The following MAP6 variants were observed in gnomAD, a reference collection of about 807,000 sequenced individuals.
MAP6 encodes microtubule-associated protein 6.
In MAP6, 26 loss-of-function variants were observed where a neutral mutation model predicts 42.4. That is an observed-to-expected ratio of 0.61 (90% CI 0.45 to 0.85). The LOEUF is 0.85. Ranked by LOEUF, MAP6 falls within the 40% of genes least tolerant of loss-of-function variation. The probability of loss-of-function intolerance (pLI) is 0.00; values close to 1 mark genes in which losing one functional copy is unlikely to be tolerated. For synonymous variants in MAP6, 418 were observed against 443.8 expected (o/e 0.94, Z 0.73); for missense variants, 966 against 1,099.0 (o/e 0.88, Z 1.71).
intron 1 of MAP6, among the ~76,000 whole-genome samples, chr11:75,665,329 G>A (rs769834517): frequency 6.6e-6 from 1 of 152,196 alleles, no homozygotes; most frequent in East Asian, 1.9e-4. Flanking sequence ...TATATTCAAA[G>A]GATGTGGTCA....
intron 1 of MAP6, among the ~76,000 whole-genome samples, chr11:75,616,585 G>A (rs746914799): frequency 6.6e-6 from 1 of 152,206 alleles, no homozygotes; most frequent in Non-Finnish European, 1.5e-5. Context: ...AATGGAAGTA[G>A]GATCTATAGA....
intron 1 of MAP6, among the ~76,000 whole-genome samples, chr11:75,609,499 G>A (rs1310927473): frequency 1.3e-5 from 2 of 152,252 alleles, no homozygotes; most frequent in Admixed American, 6.5e-5. Flanking sequence ...CTTGGACTGC[G>A]ACGGAGACAC....
chr11:75,605,280 G>A (rs1299068799), intron 3 of MAP6: 1 of 986,164 alleles, frequency 1.0e-6, no homozygotes, highest in Non-Finnish European at 1.2e-6. Flanking sequence ...TGACATTAAG[G>A]CCAAGGTTGT....
At chr11:75,605,134 T>C in intron 3 of MAP6, 1 of 985,420 alleles carries the variant, frequency 1.0e-6, no homozygotes, top group Non-Finnish European at 1.2e-6. Context: ...AGCCCTGATC[T>C]AGTTTTAGTT....
intron 1 of MAP6, among the ~76,000 whole-genome samples, chr11:75,665,414 C>T (rs1943930643): frequency 6.6e-6 from 1 of 152,220 alleles, no homozygotes; most frequent in South Asian, 2.1e-4. Flanking sequence ...TGAGTAGGAT[C>T]ACCCAAGGAG....
chr11:75,647,666 T>C (rs1943584971), intron 1 of MAP6, among the ~76,000 whole-genome samples: 4 of 152,032 alleles, frequency 2.6e-5, no homozygotes, highest in Admixed American at 2.0e-4. Flanking sequence ...AAAAGAAGAC[T>C]TGAGGAAAGG....
rs1590818412 is a variant in MAP6, at chr11:75,668,212, G to T, written c.158C>A (p.Ala53Glu). 2 of 1,320,840 alleles carry T rather than the reference G, an allele frequency of 1.5e-6. No homozygotes were observed. Among genetic ancestry groups the T allele is most frequent in the South Asian group, 4.8e-5 (2 of 41,560 alleles). The allele number at this position is 1,320,840 out of a possible 1,614,324, so 81.8% of individuals were successfully genotyped here. ...PPQPPPPQQQ[A>E]QPALAPPSAR... ...CGAGGGGGGCGCGAGCGCCGGCTGC[G>T]CCTGCTGCTGCGGCGGCGGTGGCTG... The change falls in exon 1 of 4, where the codon GCG (alanine) becomes GAG (glutamate). Residue 53 changes from alanine to glutamate, a missense_variant. Ala to Glu is a moderately radical substitution (Grantham distance 107, BLOSUM62 -1). This residue lies in a region of MAP6 where 943 missense variants were observed against 1,049.9 expected (regional missense o/e 0.90). Coordinates refer to ENST00000304771, the MANE Select transcript of MAP6 (RefSeq NM_033063.2).
In MAP6 at chr11:75,667,060, ATTC is replaced by A. The variant is rs556698686; in HGVS notation, c.905+402_905+404del. Among the ~76,000 whole-genome samples the A allele has an allele frequency of 7.6e-4, 115 of 152,294 alleles. 1 individual carries two copies. Among genetic ancestry groups the A allele is most frequent in the South Asian group, 1.7e-3 (8 of 4,826 alleles). On this transcript the variant is annotated intron_variant, in intron 1 of 3. Transcript: ENST00000304771. The surrounding 1 kb of genome is among the most constrained non-coding windows in gnomAD (Gnocchi z 5.6). ...GAGGGCGAGAGGCCACTTGGAAAGA[ATTC>A]TTCTTCTGGAAGAATGGGGACCCTG...
intron 1 of MAP6, among the ~76,000 whole-genome samples, chr11:75,651,327 T>G (rs1943642606): frequency 6.6e-6 from 1 of 152,178 alleles, no homozygotes. Flanking sequence ...TTATAGTAGA[T>G]TTTTAGAATC....
intron 2 of MAP6, among the ~76,000 whole-genome samples, chr11:75,606,652 T>C (rs1407984237): frequency 6.6e-6 from 1 of 152,236 alleles, no homozygotes; most frequent in African/African-American, 2.4e-5. Context: ...CTCACCCATA[T>C]GGAGAAGCAT....
chr11:75,651,514 T>C lies in MAP6; in HGVS notation c.905+15951A>G, dbSNP rs555752900. ...ACTGTATACCTTTTAATACCATTTA[T>C]CCCTCGTCCATTTTTTAAAAAATTC... On this transcript the variant is annotated intron_variant, in intron 1 of 3. Coordinates refer to ENST00000304771, the MANE Select transcript of MAP6 (RefSeq NM_033063.2). 4.3e-4 allele frequency among the ~76,000 whole-genome samples: 65 copies of C among 152,122 alleles called. 1 individual carries two copies. The highest frequency in any genetic ancestry group is 1.4e-3 in the African/African-American group (59 of 41,498).
chr11:75,606,037 C>A (rs1357675074), intron 2 of MAP6, 33 bp from the exon 3 acceptor site: 8 of 1,604,730 alleles, frequency 5.0e-6, no homozygotes, highest in African/African-American at 2.7e-5. Context: ...AATACAGAAA[C>A]ACAAAAAGGT....
chr11:75,613,787 C>T (rs951115305), intron 1 of MAP6, among the ~76,000 whole-genome samples: 11 of 152,202 alleles, frequency 7.2e-5, no homozygotes, highest in African/African-American at 2.4e-5. Flanking sequence ...TGATGGCTTA[C>T]TTGTGCTAGG....
rs535560524 is a variant in MAP6, at chr11:75,667,308, G to C, written c.905+157C>G. Among the ~76,000 whole-genome samples the C allele has an allele frequency of 3.2e-4, 48 of 152,300 alleles. No homozygotes were observed. Among genetic ancestry groups the C allele is most frequent in the African/African-American group, 1.0e-3 (43 of 41,566 alleles). On this transcript the variant is annotated intron_variant, in intron 1 of 3. Coordinates refer to ENST00000304771, the MANE Select transcript of MAP6 (RefSeq NM_033063.2). This position sits in a 1 kb window ranked among gnomAD's most constrained non-coding sequence, Gnocchi z 5.6. ...GGGACAGGGCAGAAGAGAAGGCTTC[G>C]ACAGGAGGTGGCCTGGGAGGCGGCT...
At chr11:75,617,059 A>G (rs191577376) in intron 1 of MAP6, among the ~76,000 whole-genome samples, 1 of 152,328 alleles carries the variant, frequency 6.6e-6, no homozygotes, top group Non-Finnish European at 1.5e-5. Context: ...GGGCCCCTGT[A>G]CTAGGTAAAT....
At position 75,667,462 on chromosome 11, in the gene MAP6, C is replaced by T. The variant is rs1943968824; in HGVS notation, c.905+3G>A. 2.7e-6 allele frequency: 4 copies of T among 1,492,596 alleles called. No individual in the cohort carries two copies. The highest frequency in any genetic ancestry group is 1.5e-5 in the African/African-American group (1 of 68,856). 92.5% of individuals were successfully genotyped at this position (1,492,596 alleles called of 1,614,324 possible). On this transcript the variant is annotated splice_donor_region_variant and intron_variant, in intron 1 of 3. Coordinates refer to ENST00000304771, the MANE Select transcript of MAP6 (RefSeq NM_033063.2). The surrounding 1 kb of genome is among the most constrained non-coding windows in gnomAD (Gnocchi z 5.6). ...CCCCGCGCTAGCAGCGGCCGCGTCT[C>T]ACCTGTAGGAGCTGCTCACTGCACT...
chr11:75,658,397 C>CT (rs113084902), intron 1 of MAP6, among the ~76,000 whole-genome samples: 61 of 100,534 alleles, frequency 6.1e-4, no homozygotes, highest in Middle Eastern at 5.6e-3. Flanking sequence ...CATTTCTCCA[C>CT]CCCCCCCGCC....
intron 3 of MAP6, chr11:75,603,553 A>G: frequency 2.1e-6 from 2 of 967,230 alleles, no homozygotes; most frequent in Non-Finnish European, 2.4e-6. Context: ...GGTCCTCTAA[A>G]GCCTTGGGTG....
chr11:75,616,053 T>C (rs1942989504), intron 1 of MAP6, among the ~76,000 whole-genome samples: 2 of 152,104 alleles, frequency 1.3e-5, no homozygotes. Flanking sequence ...AACGCTGACA[T>C]TTACAAGAAA....
Sources: gnomAD v4.1 joint callset for allele counts (sites outside exome capture counted in the v4.1 genomes callset) on GRCh38, gnomAD v4.1.1 for gene constraint, gnomAD v4.1.1 regional missense constraint, Gnocchi (gnomAD v3.1) non-coding constraint, MANE v1.5 for transcripts, NCBI Gene and HGNC (gene_info 2026-07-23, HGNC 2026-07-21) for gene names.